The following ZRANB3 variants were observed in gnomAD, a reference collection of about 807,000 sequenced individuals.
ZRANB3 encodes the protein DNA annealing helicase and endonuclease ZRANB3.
In ZRANB3, 125 loss-of-function variants were observed where a neutral mutation model predicts 133.8. The ratio of observed to expected loss-of-function variants is 0.93; its 90% CI spans 0.81 to 1.08. The LOEUF (loss-of-function observed/expected upper bound fraction) is 1.08. Among genes scored for constraint, ZRANB3 ranks in the 50% least tolerant of loss-of-function variants. The pLI, the probability that ZRANB3 is intolerant of heterozygous loss-of-function variation, is 0.00. For synonymous variants in ZRANB3, 387 were observed against 432.7 expected (o/e 0.89, Z 1.31); for missense variants, 1,229 against 1,275.5 (o/e 0.96, Z 0.56).
At chr2:135,232,130 C>T (rs1000178499) in intron 12 of ZRANB3, among the ~76,000 whole-genome samples, 1 of 152,242 alleles carries the variant, frequency 6.6e-6, no homozygotes, top group African/African-American at 2.4e-5. Context: ...GCAAATGCCA[C>T]ACCAGGAGAT....
At chr2:135,288,193 T>A (rs747603115) in intron 8 of ZRANB3, among the ~76,000 whole-genome samples, 77 of 152,202 alleles carry the variant, frequency 5.1e-4, no homozygotes, top group Non-Finnish European at 1.0e-3. Context: ...GAGATGATCA[T>A]GTAATTTTTG....
intron 2 of ZRANB3, among the ~76,000 whole-genome samples, chr2:135,405,393 C>T (rs1342653958): frequency 6.6e-6 from 1 of 152,278 alleles, no homozygotes; most frequent in African/African-American, 2.4e-5. Context: ...ATGCCACTGT[C>T]AACATTAGAC....
chr2:135,290,726 T>C (rs1394647298), intron 8 of ZRANB3, among the ~76,000 whole-genome samples: 2 of 151,432 alleles, frequency 1.3e-5, no homozygotes, highest in East Asian at 3.9e-4. Context: ...ATTTATGCTT[T>C]AAGGAGGTTC....
At chr2:135,494,205 G>A (rs1325740484) in intron 2 of ZRANB3, among the ~76,000 whole-genome samples, 1 of 148,222 alleles carries the variant, frequency 6.7e-6, no homozygotes, top group Non-Finnish European at 1.5e-5. Context: ...GGTGGCTCAC[G>A]CCTGTATCAG....
intron 12 of ZRANB3, among the ~76,000 whole-genome samples, chr2:135,238,437 A>C (rs1231713946): frequency 7.0e-6 from 1 of 142,320 alleles, no homozygotes; most frequent in East Asian, 2.0e-4. Flanking sequence ...CTTGTCTCCC[A>C]GGCTGGAGTA....
intron 12 of ZRANB3, among the ~76,000 whole-genome samples, chr2:135,262,177 A>AC (rs1680000319): frequency 6.6e-6 from 1 of 151,144 alleles, no homozygotes; most frequent in Admixed American, 6.6e-5. Flanking sequence ...AAAAAAAAAA[A>AC]AAACAAAGAA....
At chr2:135,471,117 T>G (rs1380287341) in intron 2 of ZRANB3, among the ~76,000 whole-genome samples, 1 of 151,750 alleles carries the variant, frequency 6.6e-6, no homozygotes, top group Non-Finnish European at 1.5e-5. Context: ...TTTTTTTTTT[T>G]TCAACCAGAA....
intron 6 of ZRANB3, among the ~76,000 whole-genome samples, chr2:135,333,869 T>C (rs569880942): frequency 7.7e-4 from 117 of 152,354 alleles, no homozygotes; most frequent in Non-Finnish European, 1.4e-3. Flanking sequence ...CTGTATCTAC[T>C]GAACTGTACA....
intron 2 of ZRANB3, among the ~76,000 whole-genome samples, chr2:135,393,048 T>C (rs1354715451): frequency 6.6e-6 from 1 of 151,982 alleles, no homozygotes; most frequent in Non-Finnish European, 1.5e-5. Context: ...TTTTTTTATT[T>C]GTAGAGACAG....
intron 10 of ZRANB3, among the ~76,000 whole-genome samples, chr2:135,270,169 T>C (rs1406264215): frequency 2.6e-5 from 4 of 152,160 alleles, no homozygotes; most frequent in African/African-American, 9.6e-5. Flanking sequence ...ACTGTACTGC[T>C]ATTTAGGACT....
chr2:135,249,259 G>T (rs1256895899), intron 12 of ZRANB3, among the ~76,000 whole-genome samples: 1 of 152,200 alleles, frequency 6.6e-6, no homozygotes, highest in Admixed American at 6.5e-5. Flanking sequence ...ATGCCCAGAG[G>T]AATAGAAATC....
intron 1 of ZRANB3, among the ~76,000 whole-genome samples, chr2:135,513,288 T>C (rs910749225): frequency 6.6e-6 from 1 of 152,130 alleles, no homozygotes; most frequent in Non-Finnish European, 1.5e-5. Flanking sequence ...GCTAGAGGAC[T>C]TCTACTTCCT....
intron 1 of ZRANB3, among the ~76,000 whole-genome samples, chr2:135,525,404 A>G (rs1694109200): frequency 6.6e-6 from 1 of 152,246 alleles, no homozygotes; most frequent in Non-Finnish European, 1.5e-5. Flanking sequence ...TAGAAATCAC[A>G]GAGTATTTGT....
intron 12 of ZRANB3, among the ~76,000 whole-genome samples, chr2:135,262,598 G>A (rs575647600): frequency 2.0e-5 from 3 of 151,306 alleles, no homozygotes; most frequent in South Asian, 2.2e-4. Context: ...CCTGAGCCAC[G>A]TAGTGAGACT....
At chr2:135,384,563 T>C (rs979978822) in intron 3 of ZRANB3, among the ~76,000 whole-genome samples, 2 of 152,042 alleles carry the variant, frequency 1.3e-5, no homozygotes, top group Admixed American at 1.3e-4. Flanking sequence ...TAGACCAATA[T>C]CCCTGATGAA....
At position 135,278,665 on chromosome 2, in the gene ZRANB3, T is replaced by C. The variant is rs1680955060; in HGVS notation, c.967-2910A>G. Among the ~76,000 whole-genome samples, 3 of 152,020 alleles carry C rather than the reference T, an allele frequency of 2.0e-5. No homozygotes were observed. The South Asian group carries it at 6.3e-4, about 32-fold the overall frequency. ...GAGGTTAAATAACTAGGGGAAACTT[T>C]GAGGATGGATTAGTGACAACTACAC... On this transcript the variant is annotated intron_variant, in intron 8 of 20. Coordinates refer to ENST00000264159, the MANE Select transcript of ZRANB3 (RefSeq NM_032143.4).
chr2:135,315,385 A>G lies in ZRANB3; in HGVS notation c.823T>C (p.Phe275Leu), dbSNP rs1189393806. ...LPPKVRQRIP[F>L]DLPSAAAKEL... ...TTGGCAGCTGCTGATGGAAGATCAAATGGAATACGCTGTCTGACTTTAGGG... is the reference window on the plus strand; with the variant it reads ...TTGGCAGCTGCTGATGGAAGATCAAGTGGAATACGCTGTCTGACTTTAGGG... Residue 275 changes from phenylalanine (F) to leucine (L), a missense_variant, in exon 7 of 21, where the codon TTT (phenylalanine) becomes CTT (leucine). Coordinates refer to ENST00000264159, the MANE Select transcript of ZRANB3 (RefSeq NM_032143.4). The G allele has an allele frequency of 6.3e-7, 1 of 1,580,196 alleles. No homozygotes were observed. The highest frequency in any genetic ancestry group is 8.6e-7 in the Non-Finnish European group (1 of 1,167,902).
At chr2:135,274,593 CCT>C (rs1680692134) in intron 9 of ZRANB3, among the ~76,000 whole-genome samples, 1 of 151,388 alleles carries the variant, frequency 6.6e-6, no homozygotes, top group Non-Finnish European at 1.5e-5. Flanking sequence ...TTTTTAGCAA[CCT>C]TTTTTTAAAT....
chr2:135,391,514 T>TAAGAAATAAGTGTGA (rs1166881288), intron 2 of ZRANB3, among the ~76,000 whole-genome samples: 1 of 152,100 alleles, frequency 6.6e-6, no homozygotes, highest in Non-Finnish European at 1.5e-5. Context: ...GTGAATTACA[T>TAAGAAATAAGTGTGA]ATTAGCATAA....
Sources: allele counts gnomAD v4.1 joint callset (sites outside exome capture counted in the v4.1 genomes callset), GRCh38; gene constraint gnomAD v4.1.1; transcripts MANE v1.5; gene names NCBI Gene and HGNC (gene_info 2026-07-23, HGNC 2026-07-21).